PCDHA2: variants seen among roughly 807,000 people sequenced by gnomAD.
PCDHA2 encodes protocadherin alpha 2, also known as protocadherin alpha-2.
In PCDHA2, 58 loss-of-function variants were observed where a neutral mutation model predicts 66.0. The observed-to-expected ratio is 0.88, with a 90% CI of 0.71 to 1.09. The LOEUF is 1.09. Among genes scored for constraint, PCDHA2 ranks in the 50% least tolerant of loss-of-function variants. The pLI is 0.00. For synonymous variants in PCDHA2, 634 were observed against 554.0 expected, an observed-to-expected ratio of 1.14 and a Z score of -2.03; for missense variants, 1,267 against 1,242.3, an observed-to-expected ratio of 1.02 and a Z score of -0.30.
chr5:140,835,663 C>T (rs1249758735), intron 1 of PCDHA2: 8 of 1,613,782 alleles, frequency 5.0e-6, no homozygotes, highest in Non-Finnish European at 6.8e-6. Flanking sequence ...GTGGTTACCG[C>T]GCGGGACGGG....
At position 140,942,948 on chromosome 5, in the gene PCDHA2, C is replaced by T. The variant is rs534534050; in HGVS notation, c.2389-36001C>T. 1.4e-4 allele frequency among the ~76,000 whole-genome samples: 22 copies of T among 151,804 alleles called. No individual in the cohort carries two copies. The South Asian group carries it at 4.0e-3, about 27-fold the overall frequency. On this transcript the variant is annotated intron_variant, in intron 1 of 3. Transcript: ENST00000526136. ...ATTGAAAAAGAGTTTAAAGTGTAGA[C>T]GTTCTGTTATCAGAATTAAATTTTG... is the stretch of plus-strand genomic sequence containing the variant.
rs1044322759 is a variant in PCDHA2 at position 140,877,540 on chromosome 5, G to C, written c.2388+80188G>C. 35 of 1,613,652 alleles carry C rather than the reference G, an allele frequency of 2.2e-5. No individual in the cohort carries two copies. Among genetic ancestry groups the C allele is most frequent in the Non-Finnish European group, 2.7e-5 (32 of 1,179,908 alleles). On this transcript the variant is annotated intron_variant, in intron 1 of 3. Coordinates refer to ENST00000526136, the MANE Select transcript of PCDHA2 (RefSeq NM_018905.3). ...GGCCTCAGTGGGCGCTGTGGATCCCGAAGCGGCTCTGGTGGATATTAACGT... is the reference window on the plus strand; with the variant it reads ...GGCCTCAGTGGGCGCTGTGGATCCCCAAGCGGCTCTGGTGGATATTAACGT...
intron 1 of PCDHA2, chr5:140,883,758 G>A (rs781858673): frequency 3.1e-6 from 5 of 1,612,920 alleles, no homozygotes; most frequent in South Asian, 1.1e-5. Context: ...CTGGTGGAGC[G>A]GCGGGTGGGC....
Position 140,797,304 on chromosome 5 carries a change from A to G in PCDHA2, c.2340A>G (p.Pro780=). The change falls in exon 1 of 4, where the codon CCA becomes CCG. Residue 780 remains proline (P), a synonymous_variant. Coordinates refer to ENST00000526136, the MANE Select transcript of PCDHA2 (RefSeq NM_018905.3). ...MAFSPSLSQG[P]DSAEEKQLSE... ...TCAGCCCTAGCTTATCTCAAGGTCC[A>G]GACTCCGCAGAAGAGAAACAGCTCT... 1.2e-6 allele frequency: 2 copies of G among 1,614,242 alleles called. No individual in the cohort carries two copies. Among genetic ancestry groups the G allele is most frequent in the South Asian group, 1.1e-5 (1 of 91,090 alleles).
chr5:140,850,305 A>G lies in PCDHA2; in HGVS notation c.2388+52953A>G, dbSNP rs145743353. ...CGCAGTGGACGCCGACTCGGGCTAC[A>G]ACGCGTGGCTTTCATACGAGCTGCA... On this transcript the variant is annotated intron_variant, in intron 1 of 3. Transcript: ENST00000526136. 1.9e-5 allele frequency: 30 copies of G among 1,596,858 alleles called. 3 individuals carry two copies. Among genetic ancestry groups the G allele is most frequent in the Non-Finnish European group, 2.5e-5 (29 of 1,167,642 alleles).
rs912184171 is a variant in PCDHA2 at position 140,852,142 on chromosome 5, T to G, written c.2388+54790T>G. 6 of 876,650 alleles carry G rather than the reference T, an allele frequency of 6.8e-6. No individual in the cohort carries two copies. In the African/African-American group the frequency reaches 1.1e-4, roughly 16 times the overall value. The allele number at this position is 876,650 out of a possible 1,614,324, so 54.3% of individuals were successfully genotyped here. ...TAATTAAAAACTCAGTAGAGAAAGA[T>G]CAGAATGGCCTTGAGAATAGAGCCA... On this transcript the variant is annotated intron_variant, in intron 1 of 3. Transcript: ENST00000526136.
intron 1 of PCDHA2, chr5:140,841,864 T>C (rs1554138599): frequency 3.1e-6 from 5 of 1,613,852 alleles, no homozygotes; most frequent in Non-Finnish European, 4.2e-6. Flanking sequence ...TCATGCTAGA[T>C]GTGAATTCAA....
chr5:140,870,704 T>C (rs782770549), intron 1 of PCDHA2: 1 of 1,612,984 alleles, frequency 6.2e-7, no homozygotes, highest in Non-Finnish European at 8.5e-7. Flanking sequence ...CAGTTCCAGG[T>C]GAGCGCGCGC....
At chr5:140,836,123 T>C in intron 1 of PCDHA2, 1 of 1,613,656 alleles carries the variant, frequency 6.2e-7, no homozygotes, top group Non-Finnish European at 8.5e-7. Flanking sequence ...TGAGAGAGCT[T>C]GTGCCGCGGT....
intron 1 of PCDHA2, among the ~76,000 whole-genome samples, chr5:140,960,579 C>G (rs2095556928): frequency 6.6e-6 from 1 of 152,052 alleles, no homozygotes; most frequent in South Asian, 2.1e-4. Context: ...AGTTGGAAAA[C>G]AGTTCAAATT....
At chr5:140,844,452 G>A (rs1403381555) in intron 1 of PCDHA2, among the ~76,000 whole-genome samples, 2 of 148,572 alleles carry the variant, frequency 1.3e-5, no homozygotes, top group South Asian at 2.1e-4. Context: ...TTGTATTGTC[G>A]CCAACTTAAC....
At chr5:140,822,326 A>G in intron 1 of PCDHA2, 1 of 1,614,186 alleles carries the variant, frequency 6.2e-7, no homozygotes, top group Non-Finnish European at 8.5e-7. Context: ...GTTAAAACAA[A>G]TGAAGAAGAA....
At chr5:140,851,411 A>T in intron 1 of PCDHA2, 1 of 962,208 alleles carries the variant, frequency 1.0e-6, no homozygotes, top group Non-Finnish European at 1.3e-6. Flanking sequence ...ATAAGAAAGA[A>T]ACTTCCCCTA....
rs782733393 is a variant in PCDHA2 at position 140,875,889 on chromosome 5, G to T, written c.2388+78537G>T. The T allele has an allele frequency of 4.8e-5, 78 of 1,614,056 alleles. No homozygotes were observed. The highest frequency in any genetic ancestry group is 5.8e-5 in the Non-Finnish European group (69 of 1,180,042). On this transcript the variant is annotated intron_variant, in intron 1 of 3. Coordinates refer to ENST00000526136, the MANE Select transcript of PCDHA2 (RefSeq NM_018905.3). ...CGGTGTTCAGAGAAAGGGAACAAAA[G>T]GTACCTGTTTCTGAATCTGCGCCTC...
intron 1 of PCDHA2, chr5:140,927,755 C>T (rs1388061408): frequency 6.2e-7 from 1 of 1,614,196 alleles, no homozygotes; most frequent in South Asian, 1.1e-5. Flanking sequence ...CACGTGCACC[C>T]TAAAAGTGGG....
In PCDHA2 at chr5:140,887,671, A is replaced by G. The variant is rs1417615702; in HGVS notation, c.2388+90319A>G. Among the ~76,000 whole-genome samples, 4 of 152,008 alleles carry G rather than the reference A, an allele frequency of 2.6e-5. No homozygotes were observed. In the East Asian group the frequency reaches 7.7e-4, roughly 29 times the overall value. The stretch of plus-strand genomic sequence containing the variant: ...ATATTCTTGGATCTGTGGATTTATC[A>G]TTTTCATCAAATTCAGGAAAAAATC... On this transcript the variant is annotated intron_variant, in intron 1 of 3. Transcript: ENST00000526136.
intron 1 of PCDHA2, chr5:140,875,208 C>A: frequency 1.5e-6 from 1 of 668,546 alleles, no homozygotes; most frequent in Non-Finnish European, 2.2e-6. Flanking sequence ...GTGGCTAAAC[C>A]GAAAAGAACC....
intron 1 of PCDHA2, chr5:140,876,225 G>C: frequency 1.2e-6 from 2 of 1,613,982 alleles, no homozygotes; most frequent in Non-Finnish European, 1.7e-6. Context: ...AAGTAGTGTT[G>C]TCTGAAAATG....
At chr5:140,928,711 A>C in intron 1 of PCDHA2, 1 of 1,614,098 alleles carries the variant, frequency 6.2e-7, no homozygotes, top group South Asian at 1.1e-5. Flanking sequence ...GTCTGACTCT[A>C]GTCTCTTTAG....
Sources: allele counts gnomAD v4.1 joint callset (sites outside exome capture counted in the v4.1 genomes callset), GRCh38; gene constraint gnomAD v4.1.1; transcripts MANE v1.5; gene names NCBI Gene and HGNC (gene_info 2026-07-23, HGNC 2026-07-21).